Variants in UNC13C observed in about 807,000 individuals in gnomAD.
The protein encoded by UNC13C is protein unc-13 homolog C.
A neutral mutation model predicts 245.4 loss-of-function variants in UNC13C; 174 were observed. The observed-to-expected ratio is 0.71, with a 90% CI of 0.63 to 0.80. The LOEUF (loss-of-function observed/expected upper bound fraction) is 0.80, where lower values mean the gene tolerates loss of function less well. Among genes scored for constraint, UNC13C ranks in the 30% least tolerant of loss-of-function variants. The pLI is 0.00. For synonymous variants in UNC13C, 992 were observed against 895.1 expected (o/e 1.11, Z -1.93); for missense variants, 2,829 against 2,602.9 (o/e 1.09, Z -1.89).
chr15:53,954,845 T>C, the UNC13C span, among the ~76,000 whole-genome samples: 1 of 152,172 alleles, frequency 6.6e-6, no homozygotes, highest in Non-Finnish European at 1.5e-5. Context: ...CTTCAAAAAA[T>C]ACAGTAAATA....
the UNC13C span, among the ~76,000 whole-genome samples, chr15:53,904,153 T>C: frequency 8.5e-5 from 13 of 152,290 alleles, no homozygotes; most frequent in Admixed American, 5.2e-4. Context: ...AAGGAAACTC[T>C]TTGGTTGGGG....
chr15:54,393,239 A>G, intron 18 of UNC13C, 58 bp downstream of exon 18: 4 of 1,399,838 alleles, frequency 2.9e-6, no homozygotes, highest in African/African-American at 1.5e-5. Context: ...CAAATAATAC[A>G]TATTTTAAGC....
intron 17 of UNC13C, among the ~76,000 whole-genome samples, chr15:54,345,680 T>C (rs1004735141): frequency 1.3e-5 from 2 of 152,212 alleles, no homozygotes; most frequent in African/African-American, 4.8e-5. Flanking sequence ...CTTCAGTTAC[T>C]TTTCCAACCT....
chr15:54,550,081 T>C (rs1211051471), intron 28 of UNC13C, among the ~76,000 whole-genome samples: 1 of 152,162 alleles, frequency 6.6e-6, no homozygotes, highest in East Asian at 1.9e-4. Context: ...TCTGACTAAA[T>C]GACCTTGTGC....
chr15:54,578,661 A>G (rs1308846105), intron 30 of UNC13C, among the ~76,000 whole-genome samples: 1 of 152,206 alleles, frequency 6.6e-6, no homozygotes, highest in African/African-American at 2.4e-5. Context: ...ACCTTCATGT[A>G]TTTTCGTCAC....
chr15:54,518,969 C>T (rs184002642), intron 24 of UNC13C, among the ~76,000 whole-genome samples: 4 of 152,104 alleles, frequency 2.6e-5, no homozygotes, highest in East Asian at 1.9e-4. Context: ...TGTTATAAAA[C>T]GGGGATTCCT....
At chr15:54,020,605 A>G (rs996273142) in intron 2 of UNC13C, among the ~76,000 whole-genome samples, 12 of 152,070 alleles carry the variant, frequency 7.9e-5, no homozygotes, top group Non-Finnish European at 1.5e-4. Flanking sequence ...CTTAAAAACA[A>G]AAGATGTTTT....
chr15:53,853,636 C>A, the UNC13C span, among the ~76,000 whole-genome samples: 2 of 152,194 alleles, frequency 1.3e-5, no homozygotes, highest in Non-Finnish European at 2.9e-5. Flanking sequence ...TCCTTTTTCT[C>A]TACAACTTCG....
chr15:53,877,973 T>G, the UNC13C span, among the ~76,000 whole-genome samples: 2 of 152,232 alleles, frequency 1.3e-5, no homozygotes, highest in Non-Finnish European at 2.9e-5. Flanking sequence ...CTTGCTCTTT[T>G]TGTTCAATAT....
the UNC13C span, among the ~76,000 whole-genome samples, chr15:53,942,062 C>G: frequency 1.3e-5 from 2 of 152,024 alleles, no homozygotes; most frequent in Admixed American, 1.3e-4. Flanking sequence ...GGATATATAC[C>G]CAAAGGAACA....
the UNC13C span, among the ~76,000 whole-genome samples, chr15:53,898,506 A>G: frequency 2.0e-5 from 3 of 152,128 alleles, no homozygotes; most frequent in Non-Finnish European, 4.4e-5. Flanking sequence ...TTCCCCAAAC[A>G]GTAGCCTAAA....
At chr15:54,416,042 A>G (rs1206132623) in intron 19 of UNC13C, among the ~76,000 whole-genome samples, 1 of 152,180 alleles carries the variant, frequency 6.6e-6, no homozygotes, top group African/African-American at 2.4e-5. Context: ...GAGAGAACTC[A>G]GTGGGCCCAA....
chr15:54,373,696 G>A (rs1035413472), intron 17 of UNC13C, among the ~76,000 whole-genome samples: 1 of 152,184 alleles, frequency 6.6e-6, no homozygotes. Context: ...TCCCCGAAGG[G>A]CTGCAGCTCT....
At chr15:54,587,582 C>T (rs1431241067) in intron 30 of UNC13C, among the ~76,000 whole-genome samples, 1 of 152,188 alleles carries the variant, frequency 6.6e-6, no homozygotes, top group South Asian at 2.1e-4. Flanking sequence ...CCTCAGTACT[C>T]CACTCTTCTA....
Position 54,054,427 on chromosome 15 carries a change from A to G in UNC13C, c.2983+38541A>G, listed in dbSNP as rs540809904. ...CCTATCTTAAGGCTGCCCTCGTTAA[A>G]TTGTCACAGGATGATTTCCTGCTAA... On this transcript the variant is annotated intron_variant, in intron 2 of 32. Coordinates refer to ENST00000260323, the MANE Select transcript of UNC13C (RefSeq NM_001080534.3). Among the ~76,000 whole-genome samples the G allele has an allele frequency of 1.2e-4, 18 of 152,322 alleles. No homozygotes were observed. The East Asian group carries it at 2.7e-3, about 23-fold the overall frequency.
At chr15:54,499,695 C>T (rs535075479) in intron 20 of UNC13C, among the ~76,000 whole-genome samples, 14 of 152,124 alleles carry the variant, frequency 9.2e-5, no homozygotes, top group African/African-American at 2.4e-4. Context: ...CACCCACGAT[C>T]GGTTACAGAT....
chr15:54,321,283 C>T (rs2038150553), intron 13 of UNC13C: 1 of 476,130 alleles, frequency 2.1e-6, no homozygotes, highest in Non-Finnish European at 4.1e-6. Flanking sequence ...ATTTCAATCA[C>T]TTCAATTTCC....
At chr15:54,021,144 A>G (rs1895887768) in intron 2 of UNC13C, among the ~76,000 whole-genome samples, 1 of 152,222 alleles carries the variant, frequency 6.6e-6, no homozygotes, top group Non-Finnish European at 1.5e-5. Context: ...GATTCAAAGA[A>G]GCTAATTAAC....
chr15:54,028,301 G>A (rs563687007), intron 2 of UNC13C, among the ~76,000 whole-genome samples: 15 of 152,102 alleles, frequency 9.9e-5, no homozygotes, highest in Non-Finnish European at 1.8e-4. Flanking sequence ...AATAAGGCCG[G>A]GCAACTTTGC....
Sources: gnomAD v4.1 joint callset for allele counts (sites outside exome capture counted in the v4.1 genomes callset) on GRCh38, gnomAD v4.1.1 for gene constraint, MANE v1.5 for transcripts, NCBI Gene and HGNC (gene_info 2026-07-23, HGNC 2026-07-21) for gene names.